The following MGAT4C variants were observed in gnomAD, a reference collection of about 807,000 sequenced individuals.
MGAT4C encodes the protein MGAT4 family member C.
MGAT4C carries 19 observed loss-of-function variants against 40.1 expected under a neutral mutation model. The observed-to-expected ratio is 0.47, with a 90% CI of 0.33 to 0.70. MGAT4C has a LOEUF of 0.70. Ranked by LOEUF, MGAT4C falls within the 30% of genes least tolerant of loss-of-function variation. MGAT4C has a pLI of 0.02. For synonymous variants in MGAT4C, 181 were observed against 187.1 expected, an observed-to-expected ratio of 0.97 and a Z score of 0.27; for missense variants, 491 against 563.2, an observed-to-expected ratio of 0.87 and a Z score of 1.30.
intron 3 of MGAT4C, among the ~76,000 whole-genome samples, chr12:86,370,840 C>T (rs4842483): frequency 0.73 from 110,428 of 151,948 alleles, 40,370 homozygotes; most frequent in East Asian, 0.91. Flanking sequence ...CTAAGCTAAG[C>T]ACTAGAAATA....
chr12:86,245,783 A>T (rs936912703), intron 1 of MGAT4C, among the ~76,000 whole-genome samples: 1 of 152,126 alleles, frequency 6.6e-6, no homozygotes, highest in Non-Finnish European at 1.5e-5. Context: ...TCCTCTTTAG[A>T]TTATTCAAAA....
At chr12:86,519,121 A>G (rs1958747530) in intron 2 of MGAT4C, among the ~76,000 whole-genome samples, 1 of 152,164 alleles carries the variant, frequency 6.6e-6, no homozygotes, top group Non-Finnish European at 1.5e-5. Context: ...GATTGTGGTA[A>G]TTGCTCAAGT....
intron 2 of MGAT4C, among the ~76,000 whole-genome samples, chr12:86,443,199 T>C (rs766481812): frequency 2.9e-4 from 43 of 149,892 alleles, no homozygotes; most frequent in Non-Finnish European, 4.4e-4. Flanking sequence ...TGTGTGTGTA[T>C]ATATATACAC....
chr12:86,081,257 A>C (rs1295812460), intron 1 of MGAT4C, among the ~76,000 whole-genome samples: 1 of 152,184 alleles, frequency 6.6e-6, no homozygotes, highest in Non-Finnish European at 1.5e-5. Flanking sequence ...GATGGTAAGG[A>C]ACAATAATGA....
In MGAT4C at chr12:85,965,739, G is replaced by T. The variant is rs963169277; in HGVS notation, c.*13550C>A. ...ACAGAACTTTTCCTAGCTTCTAAAT[G>T]ATTAGAAATTTCAGCTTTGGTTTAA... On this transcript the variant is annotated 3_prime_UTR_variant, in exon 5 of 5. Transcript: ENST00000611864. 6.6e-6 allele frequency: 1 copy of T among 151,908 alleles called. No homozygotes were observed. Among genetic ancestry groups the T allele is most frequent in the Admixed American group, 6.6e-5 (1 of 15,246 alleles). The allele number at this position is 151,908 out of a possible 1,614,324, so 9.4% of individuals were successfully genotyped here.
At chr12:86,806,280 T>C (rs1003024469) in intron 1 of MGAT4C, among the ~76,000 whole-genome samples, 3 of 152,008 alleles carry the variant, frequency 2.0e-5, no homozygotes, top group Non-Finnish European at 4.4e-5. Flanking sequence ...CAAATGCTAC[T>C]ATAAGAAATA....
chr12:86,589,867 A>G (rs898001063), intron 2 of MGAT4C, among the ~76,000 whole-genome samples: 4 of 152,022 alleles, frequency 2.6e-5, no homozygotes, highest in Non-Finnish European at 4.4e-5. Context: ...AAATGTTCCC[A>G]AGCACAAACA....
chr12:86,451,533 G>C (rs1036117049), intron 2 of MGAT4C, among the ~76,000 whole-genome samples: 1 of 152,056 alleles, frequency 6.6e-6, no homozygotes, highest in African/African-American at 2.4e-5. Context: ...AAAATGGCTA[G>C]ATTTTCTTTG....
intron 1 of MGAT4C, among the ~76,000 whole-genome samples, chr12:86,254,142 G>A (rs780204134): frequency 1.1e-4 from 17 of 152,038 alleles, no homozygotes; most frequent in Admixed American, 7.2e-4. Flanking sequence ...ATGTCACCCT[G>A]TACTGGGAAG....
intron 1 of MGAT4C, among the ~76,000 whole-genome samples, chr12:86,086,915 A>T (rs1352391369): frequency 6.6e-6 from 1 of 152,076 alleles, no homozygotes; most frequent in African/African-American, 2.4e-5. Flanking sequence ...GAGTGAGAAC[A>T]TGAGATACTT....
chr12:86,621,047 G>T (rs1245161576), intron 2 of MGAT4C, among the ~76,000 whole-genome samples: 3 of 151,944 alleles, frequency 2.0e-5, no homozygotes, highest in Non-Finnish European at 4.4e-5. Flanking sequence ...ACGTGAGAAT[G>T]AACTAATATG....
intron 2 of MGAT4C, among the ~76,000 whole-genome samples, chr12:86,563,096 T>C (rs566478506): frequency 1.3e-5 from 2 of 152,254 alleles, no homozygotes; most frequent in Non-Finnish European, 2.9e-5. Flanking sequence ...CCAGAAGACA[T>C]ACCCTTCACC....
intron 4 of MGAT4C, among the ~76,000 whole-genome samples, chr12:86,311,771 G>T (rs983585285): frequency 1.3e-5 from 2 of 152,214 alleles, no homozygotes; most frequent in African/African-American, 2.4e-5. Flanking sequence ...TTTGTCCACA[G>T]GTTGTCCTGC....
At position 86,138,785 on chromosome 12, in the gene MGAT4C, G is replaced by A. The variant is rs1030709802; in HGVS notation, c.-56-89062C>T. On this transcript the variant is annotated intron_variant, in intron 1 of 4. Coordinates refer to ENST00000611864, the MANE Select transcript of MGAT4C (RefSeq NM_001351288.2). ...TAACAAGAGAACTGCTGGCTTAAGC[G>A]GGCATTCAGACTTGGAGGAGGAAGG... 2.6e-5 allele frequency among the ~76,000 whole-genome samples: 4 copies of A among 151,742 alleles called. No homozygotes were observed. The East Asian group carries it at 5.8e-4, about 22-fold the overall frequency.
At chr12:86,271,600 A>G (rs1037982848) in intron 4 of MGAT4C, among the ~76,000 whole-genome samples, 11 of 152,316 alleles carry the variant, frequency 7.2e-5, no homozygotes, top group African/African-American at 2.6e-4. Context: ...AGATTTTCCA[A>G]AAAACTGAAA....
chr12:86,618,238 T>C (rs1962521057), intron 2 of MGAT4C, among the ~76,000 whole-genome samples: 1 of 152,152 alleles, frequency 6.6e-6, no homozygotes, highest in Admixed American at 6.5e-5. Context: ...GAATGAAAAT[T>C]AGTATAGCCA....
chr12:86,517,624 ATTTATTTG>A (rs949936209), intron 2 of MGAT4C, among the ~76,000 whole-genome samples: 32 of 151,836 alleles, frequency 2.1e-4, no homozygotes, highest in East Asian at 9.8e-4. Flanking sequence ...CTTTTTATTT[ATTTATTTG>A]TTTGTTTGTT....
chr12:86,071,600 C>T (rs1868484392), intron 1 of MGAT4C, among the ~76,000 whole-genome samples: 1 of 152,064 alleles, frequency 6.6e-6, no homozygotes, highest in Non-Finnish European at 1.5e-5. Context: ...TGTAACATAA[C>T]ACTATGTGAA....
chr12:86,426,798 T>G (rs2136263474), intron 3 of MGAT4C, among the ~76,000 whole-genome samples: 1 of 152,108 alleles, frequency 6.6e-6, no homozygotes, highest in South Asian at 2.1e-4. Flanking sequence ...ATACAAAAAA[T>G]TAGCCAGGTG....
Sources: allele counts gnomAD v4.1 joint callset (sites outside exome capture counted in the v4.1 genomes callset), GRCh38; gene constraint gnomAD v4.1.1; transcripts MANE v1.5; gene names NCBI Gene and HGNC (gene_info 2026-07-23, HGNC 2026-07-21).